The following SEPTIN2 variants were observed in gnomAD, a reference collection of about 807,000 sequenced individuals.
SEPTIN2 encodes the protein septin-2.
A neutral mutation model predicts 46.5 loss-of-function variants in SEPTIN2; 34 were observed. That is an observed-to-expected ratio of 0.73 (90% CI 0.56 to 0.97). SEPTIN2 has a LOEUF of 0.97. Ranked by LOEUF, SEPTIN2 falls within the 50% of genes least tolerant of loss-of-function variation. SEPTIN2 has a pLI of 0.00. For synonymous variants in SEPTIN2, 175 were observed against 153.4 expected, an observed-to-expected ratio of 1.14 and a Z score of -1.04; for missense variants, 347 against 448.4, an observed-to-expected ratio of 0.77 and a Z score of 2.04.
intron 10 of SEPTIN2, 89 bp downstream of exon 10, chr2:241,346,338 C>A: frequency 1.1e-6 from 1 of 910,784 alleles, no homozygotes; most frequent in Non-Finnish European, 1.7e-6. Flanking sequence ...GCCTTCTTGA[C>A]CATTAAGCAA....
rs534787074 is a variant in SEPTIN2, at chr2:241,322,664, AT to A, written c.-17-1547del. Among the ~76,000 whole-genome samples, 25 of 152,064 alleles carry A rather than the reference AT, an allele frequency of 1.6e-4. No individual in the cohort carries two copies. In the East Asian group the frequency reaches 3.9e-3, roughly 23 times the overall value. ...CACATATCTTTAAAAATATTGTCAC[AT>A]TTTTCAGACACTCAGATGCCTTCAG... On this transcript the variant is annotated intron_variant, in intron 1 of 12. Coordinates refer to ENST00000391971, the MANE Select transcript of SEPTIN2 (RefSeq NM_004404.5).
chr2:241,335,636 G>A, intron 4 of SEPTIN2: 2 of 577,052 alleles, frequency 3.5e-6, no homozygotes, highest in South Asian at 2.1e-5. Context: ...CACATAGTGA[G>A]AGCCTAAGAC....
intron 1 of SEPTIN2, chr2:241,316,630 G>T (rs971016011): frequency 1.9e-5 from 21 of 1,082,202 alleles, no homozygotes; most frequent in Non-Finnish European, 1.8e-5. Flanking sequence ...GAGCAAACCT[G>T]TGGCTTCCGT....
At chr2:241,340,371 G>T (rs888824640) in intron 7 of SEPTIN2, among the ~76,000 whole-genome samples, 1 of 152,106 alleles carries the variant, frequency 6.6e-6, no homozygotes, top group Non-Finnish European at 1.5e-5. Context: ...CGTTGCAGAT[G>T]ATTTCACCTG....
At chr2:241,333,877 GT>G (rs1267287625) in intron 3 of SEPTIN2, among the ~76,000 whole-genome samples, 1 of 152,158 alleles carries the variant, frequency 6.6e-6, no homozygotes, top group East Asian at 1.9e-4. Context: ...AAGGGACAGG[GT>G]CTCACTCTGT....
chr2:241,318,802 G>A (rs934353761), intron 1 of SEPTIN2, among the ~76,000 whole-genome samples: 1 of 151,130 alleles, frequency 6.6e-6, no homozygotes, highest in Non-Finnish European at 1.5e-5. Flanking sequence ...CCGGGTTCAA[G>A]TGATTCTGCC....
At chr2:241,316,598 G>C (rs1004993767) in intron 1 of SEPTIN2, 2 of 1,373,562 alleles carry the variant, frequency 1.5e-6, no homozygotes, top group East Asian at 2.9e-5. Flanking sequence ...GTTGGAGGCC[G>C]CCGAGTTGGC....
At chr2:241,316,548 C>T (rs1043841824) in intron 1 of SEPTIN2, 25 of 1,518,268 alleles carry the variant, frequency 1.6e-5, no homozygotes, top group Non-Finnish European at 2.2e-5. Context: ...AAGGTCTGCA[C>T]CAGCGAGGCA....
rs2080558140 is a variant in SEPTIN2 at position 241,338,724 on chromosome 2, T to TTATATATATTATATTATTTATATAA, written c.594+957_594+958insAATATATATATTATATTATTTATAT. ...ATATTTATATTATTTATATAATATATTATATATATTATATTATTTATATGT... is the reference window on the plus strand; with the variant it reads ...ATATTTATATTATTTATATAATATATTATATATATTATATTATTTATATAATATATATATTATATTATTTATATGT... On this transcript the variant is annotated intron_variant, in intron 7 of 12. Transcript: ENST00000391971. Among the ~76,000 whole-genome samples the TTATATATATTATATTATTTATATAA allele has an allele frequency of 7.7e-5, 8 of 104,078 alleles. No individual in the cohort carries two copies. The Admixed American group carries it at 1.4e-3, about 18-fold the overall frequency. 68.3% of individuals were successfully genotyped at this position (104,078 alleles called of 152,430 possible). A position where few individuals can be genotyped will look rare whatever the true frequency, so the allele number is the denominator to read the frequency against.
chr2:241,337,327 A>G (rs996374260), intron 5 of SEPTIN2, 55 bp from the exon 6 acceptor site: 9 of 1,501,114 alleles, frequency 6.0e-6, no homozygotes, highest in Non-Finnish European at 8.1e-6. Context: ...CTTTGAAGTC[A>G]GGGACCCCCT....
intron 1 of SEPTIN2, among the ~76,000 whole-genome samples, chr2:241,323,818 C>G (rs1004171524): frequency 6.6e-6 from 1 of 152,126 alleles, no homozygotes; most frequent in African/African-American, 2.4e-5. Flanking sequence ...GGAACTAAGG[C>G]TCATTTAAAG....
Position 241,352,612 on chromosome 2 carries a change from C to G in SEPTIN2, c.*675C>G, listed in dbSNP as rs1230826445. ...TTAGAGGTGAGTTTTAAAGAAGTCT[C>G]TTAATTCTGATGCTAGGTTGTTTTT... On this transcript the variant is annotated 3_prime_UTR_variant, in exon 13 of 13. Transcript: ENST00000391971. The G allele has an allele frequency of 1.8e-4, 28 of 152,338 alleles. No individual in the cohort carries two copies. Among genetic ancestry groups the G allele is most frequent in the Admixed American group, 1.8e-3 (28 of 15,276 alleles). The allele number at this position is 152,338 out of a possible 1,614,324, so 9.4% of individuals were successfully genotyped here. A position where few individuals can be genotyped will look rare whatever the true frequency, so the allele number is the denominator to read the frequency against.
chr2:241,333,376 GA>G (rs2079343622), intron 3 of SEPTIN2, among the ~76,000 whole-genome samples: 1 of 152,290 alleles, frequency 6.6e-6, no homozygotes, highest in African/African-American at 2.4e-5. Flanking sequence ...GACTTAATGG[GA>G]TAACAGGCAT....
intron 7 of SEPTIN2, among the ~76,000 whole-genome samples, chr2:241,339,240 A>G (rs978976997): frequency 2.6e-5 from 4 of 151,340 alleles, no homozygotes; most frequent in African/African-American, 9.7e-5. Flanking sequence ...AAAAATTACA[A>G]AAGTTAGCCG....
rs184054091 is a variant in SEPTIN2 at position 241,336,376 on chromosome 2, G to A, written c.341+278G>A. The A allele has an allele frequency of 1.5e-3, 592 of 400,088 alleles. 5 individuals are homozygous for A. The highest frequency in any genetic ancestry group is 0.011 in the African/African-American group (554 of 49,656). The allele number at this position is 400,088 out of a possible 1,614,324, so 24.8% of individuals were successfully genotyped here. On this transcript the variant is annotated intron_variant, in intron 5 of 12. Transcript: ENST00000391971. ...TGGATTTGAGCCGTGGTTGGTGACCGAGATACTGTAGTACATCCTTTCTAT... is the reference window on the plus strand; with the variant it reads ...TGGATTTGAGCCGTGGTTGGTGACCAAGATACTGTAGTACATCCTTTCTAT...
At chr2:241,342,945 A>G (rs757553632) in intron 7 of SEPTIN2, 47 bp from the exon 8 acceptor site, 1 of 966,714 alleles carries the variant, frequency 1.0e-6, no homozygotes, top group South Asian at 1.4e-5. Context: ...GGCTACAATA[A>G]CATACGCAGT....
At chr2:241,341,393 T>G (rs75827837) in intron 7 of SEPTIN2, among the ~76,000 whole-genome samples, 1,536 of 146,246 alleles carry the variant, frequency 0.011, 13 homozygotes, top group Non-Finnish European at 0.014. Context: ...TTTAAATAGC[T>G]TACTAACTGT....
chr2:241,322,261 A>G (rs1006560739), intron 1 of SEPTIN2, among the ~76,000 whole-genome samples: 1 of 152,208 alleles, frequency 6.6e-6, no homozygotes, highest in Non-Finnish European at 1.5e-5. Flanking sequence ...GTTAGCCAAC[A>G]GACTCCATGC....
chr2:241,317,536 T>C (rs1200503652), intron 1 of SEPTIN2: 1 of 136,644 alleles, frequency 7.3e-6, no homozygotes, highest in Admixed American at 7.7e-5. Flanking sequence ...GTTGTGGGTA[T>C]TTTTTTTTTT....
Sources: gnomAD v4.1 joint callset for allele counts (sites outside exome capture counted in the v4.1 genomes callset) on GRCh38, gnomAD v4.1.1 for gene constraint, MANE v1.5 for transcripts, NCBI Gene and HGNC (gene_info 2026-07-23, HGNC 2026-07-21) for gene names.